The following TLDC2 variants were observed in gnomAD, a reference collection of about 807,000 sequenced individuals.
TLDC2 encodes the protein TLD domain-containing protein 2.
In TLDC2, 23 loss-of-function variants were observed where a neutral mutation model predicts 27.9. The ratio of observed to expected loss-of-function variants is 0.82; its 90% confidence interval spans 0.59 to 1.17. The LOEUF is 1.17. Ranked by LOEUF, TLDC2 falls within the 50% of genes most tolerant of loss-of-function variation. TLDC2 has a pLI of 0.00. For synonymous variants in TLDC2, 124 were observed against 107.4 expected (o/e 1.16, Z -0.96); for missense variants, 286 against 273.4 (o/e 1.05, Z -0.32).
Position 36,894,190 on chromosome 20 carries a change from C to T in TLDC2, c.*1346C>T. ...ATGTTAAATTTTTTCTGTTGAACTA[C>T]ACTGGATCTGACTTGATAGAACTAT... On this transcript the variant is annotated 3_prime_UTR_variant, in exon 7 of 7. Coordinates refer to ENST00000217320, the MANE Select transcript of TLDC2 (RefSeq NM_080628.3). 2.6e-6 allele frequency: 1 copy of T among 379,594 alleles called. No homozygotes were observed. The highest frequency in any genetic ancestry group is 4.5e-5 in the Admixed American group (1 of 22,164). 23.5% of individuals were successfully genotyped at this position (379,594 alleles called of 1,614,324 possible). A position where few individuals can be genotyped will look rare whatever the true frequency, so the allele number is the denominator to read the frequency against.
chr20:36,882,000 A>G (rs1042345237), intron 4 of TLDC2, among the ~76,000 whole-genome samples: 1 of 152,192 alleles, frequency 6.6e-6, no homozygotes, highest in African/African-American at 2.4e-5. Flanking sequence ...TAGACAGTGA[A>G]GTTTACCAGA....
intron 2 of TLDC2, 94 bp downstream of exon 2, chr20:36,878,148 G>A: frequency 7.2e-7 from 1 of 1,391,288 alleles, no homozygotes; most frequent in Non-Finnish European, 9.7e-7. Context: ...GGCACCTAGA[G>A]TCACTCTTGC....
At chr20:36,886,136 G>A (rs145426049) in intron 4 of TLDC2, among the ~76,000 whole-genome samples, 2 of 152,082 alleles carry the variant, frequency 1.3e-5, no homozygotes, top group Admixed American at 1.3e-4. Context: ...CAGTTTTTTT[G>A]TTGTTTTTTA....
chr20:36,888,943 ACCCGGGAG>A, intron 5 of TLDC2, among the ~76,000 whole-genome samples: 1 of 151,608 alleles, frequency 6.6e-6, no homozygotes, highest in East Asian at 1.9e-4. Context: ...AATTGCTTGA[ACCCGGGAG>A]GTGGAGGTTG....
intron 1 of TLDC2, 88 bp downstream of exon 1, chr20:36,876,295 A>G: frequency 6.4e-7 from 1 of 1,564,962 alleles, no homozygotes; most frequent in Non-Finnish European, 8.8e-7. Flanking sequence ...CTAGGGTTGG[A>G]TGCGGGCAGT....
chr20:36,893,090 A>T lies in TLDC2; in HGVS notation c.*246A>T. On this transcript the variant is annotated 3_prime_UTR_variant, in exon 7 of 7. Coordinates refer to ENST00000217320, the MANE Select transcript of TLDC2 (RefSeq NM_080628.3). ...TCCTATTAGGAAGAGAGAGAAAAAC[A>T]GGCAATAGAGAAAAGCCAGTTTCCA... 1 of 1,610,648 alleles carries T rather than the reference A, an allele frequency of 6.2e-7. No individual in the cohort carries two copies. Among genetic ancestry groups the T allele is most frequent in the South Asian group, 1.1e-5 (1 of 91,078 alleles).
At chr20:36,888,231 T>C (rs1989968329) in intron 5 of TLDC2, among the ~76,000 whole-genome samples, 1 of 151,906 alleles carries the variant, frequency 6.6e-6, no homozygotes, top group Non-Finnish European at 1.5e-5. Context: ...GGTTAAAGAA[T>C]TGCCATTTTG....
chr20:36,881,828 G>A (rs1989822778), intron 4 of TLDC2, among the ~76,000 whole-genome samples: 1 of 152,208 alleles, frequency 6.6e-6, no homozygotes. Flanking sequence ...ACAGCAGTTG[G>A]ACAATGTGTT....
chr20:36,883,899 A>G (rs1311879320), intron 4 of TLDC2, among the ~76,000 whole-genome samples: 2 of 152,118 alleles, frequency 1.3e-5, no homozygotes, highest in African/African-American at 2.4e-5. Context: ...TTTGAGACCC[A>G]TCTGGCCAAC....
chr20:36,887,457 CT>C lies in TLDC2; in HGVS notation c.444del (p.Phe148LeufsTer11). 3 of 1,613,948 alleles carry C rather than the reference CT, an allele frequency of 1.9e-6. No homozygotes were observed. Among genetic ancestry groups the C allele is most frequent in the Non-Finnish European group, 2.5e-6 (3 of 1,179,838 alleles). On this transcript the variant is annotated frameshift_variant, in exon 5 of 7. Coordinates refer to ENST00000217320, the MANE Select transcript of TLDC2 (RefSeq NM_080628.3). LOFTEE classifies it high-confidence loss of function. ...LFSFSPQLKVFKWTGSNSFFV... is the reference protein window; with the variant it reads ...LFSFSPQLKVXKWTGSNSFFV... The stretch of plus-strand genomic sequence containing the variant: ...GCCTTTCCCTATGTATCACCCAGGT[CT>C]TTAAGTGGACTGGAAGCAACTCTTT...
Position 36,893,321 on chromosome 20 carries a change from C to T in TLDC2, c.*477C>T, listed in dbSNP as rs1990126064. 1.1e-5 allele frequency: 6 copies of T among 545,778 alleles called. No individual in the cohort carries two copies. The highest frequency in any genetic ancestry group is 8.2e-5 in the South Asian group (4 of 48,822). 33.8% of individuals were successfully genotyped at this position (545,778 alleles called of 1,614,324 possible). A position where few individuals can be genotyped will look rare whatever the true frequency, so the allele number is the denominator to read the frequency against. On this transcript the variant is annotated 3_prime_UTR_variant, in exon 7 of 7. Transcript: ENST00000217320. ...AGAGATGACTGGGAGCAGCATACCA[C>T]TGCCCACCTCTATGGCCTCCTTCAC...
chr20:36,877,668 G>T (rs920619353), intron 1 of TLDC2, among the ~76,000 whole-genome samples: 2 of 152,178 alleles, frequency 1.3e-5, no homozygotes, highest in Admixed American at 6.5e-5. Context: ...CGGGGGTGGG[G>T]GGACTGTGCT....
At chr20:36,881,100 G>A (rs1279791405) in intron 4 of TLDC2, among the ~76,000 whole-genome samples, 1 of 152,132 alleles carries the variant, frequency 6.6e-6, no homozygotes, top group Non-Finnish European at 1.5e-5. Flanking sequence ...GAAGTATGGG[G>A]GCCAGGCACC....
At chr20:36,886,342 T>A (rs968755061) in intron 4 of TLDC2, among the ~76,000 whole-genome samples, 10 of 152,258 alleles carry the variant, frequency 6.6e-5, no homozygotes, top group Admixed American at 5.2e-4. Flanking sequence ...GAGCCTGTAA[T>A]CCCAGCTCTT....
intron 5 of TLDC2, among the ~76,000 whole-genome samples, chr20:36,888,303 C>T (rs1399331669): frequency 2.0e-5 from 3 of 151,790 alleles, no homozygotes; most frequent in Admixed American, 6.6e-5. Context: ...GTGATCTCAG[C>T]TCACCACACC....
In TLDC2 at chr20:36,888,685, G is replaced by A. The variant is rs192589023; in HGVS notation, c.513-566G>A. 1.7e-3 allele frequency among the ~76,000 whole-genome samples: 204 copies of A among 118,056 alleles called. 1 individual carries two copies. The highest frequency in any genetic ancestry group is 2.2e-3 in the Non-Finnish European group (133 of 60,154). The allele number at this position is 118,056 out of a possible 152,430, so 77.4% of individuals were successfully genotyped here. On this transcript the variant is annotated intron_variant, in intron 5 of 6. Coordinates refer to ENST00000217320, the MANE Select transcript of TLDC2 (RefSeq NM_080628.3). The stretch of plus-strand genomic sequence containing the variant: ...CGCGCCATTGCACTCCAGGCTGGGC[G>A]ACAGAGCAAGACTCCTATCAAAAAA...
chr20:36,887,390 G>A, intron 4 of TLDC2, 65 bp from the exon 5 acceptor site: 2 of 1,443,554 alleles, frequency 1.4e-6, no homozygotes, highest in African/African-American at 1.4e-5. Context: ...AGTGGTTCGG[G>A]GTCAAACTGC....
Position 36,877,974 on chromosome 20 carries a change from C to A in TLDC2, c.109C>A (p.Pro37Thr), listed in dbSNP as rs747830329. The A allele has an allele frequency of 1.9e-6, 3 of 1,614,100 alleles. No individual in the cohort carries two copies. In the South Asian group the frequency reaches 3.3e-5, roughly 18 times the overall value. Residue 37 changes from proline (P) to threonine (T), a missense_variant, in exon 2 of 7, where the codon CCA (proline) becomes ACA (threonine). Pro to Thr is a conservative substitution (Grantham distance 38). Coordinates refer to ENST00000217320, the MANE Select transcript of TLDC2 (RefSeq NM_080628.3). The stretch of plus-strand genomic sequence containing the variant: ...AGAGGAGGAGGAGGCAGCTCCAGAC[C>A]CAGCTGCTGCTCCTGAGGATCCCAC... ...EEEEEEAAPD[P>T]AAAPEDPTVP... is the part of the protein sequence containing the mutation.
In TLDC2 at chr20:36,893,856, T is replaced by A. The variant is rs1171491569; in HGVS notation, c.*1012T>A. 2.5e-6 allele frequency: 1 copy of A among 398,532 alleles called. No individual in the cohort carries two copies. Among genetic ancestry groups the A allele is most frequent in the Admixed American group, 4.4e-5 (1 of 22,710 alleles). 24.7% of individuals were successfully genotyped at this position (398,532 alleles called of 1,614,324 possible). ...CTCTGTCTCACAGGAGCTACTCCGG[T>A]AAATTACATTTCTCAGCTCCCATGC... On this transcript the variant is annotated 3_prime_UTR_variant, in exon 7 of 7. Transcript: ENST00000217320.
Sources: allele counts gnomAD v4.1 joint callset (sites outside exome capture counted in the v4.1 genomes callset), GRCh38; gene constraint gnomAD v4.1.1; transcripts MANE v1.5; gene names NCBI Gene and HGNC (gene_info 2026-07-23, HGNC 2026-07-21).